The following APBA2 variants were observed in gnomAD, a reference collection of about 807,000 sequenced individuals.
The protein encoded by APBA2 is amyloid beta precursor protein binding family A member 2.
In APBA2, 30 loss-of-function variants were observed where a neutral mutation model predicts 75.0. That is an observed-to-expected ratio of 0.40 (90% CI 0.30 to 0.54). The LOEUF is 0.54. Among genes scored for constraint, APBA2 ranks in the 20% least tolerant of loss-of-function variants. APBA2 has a pLI of 0.49. For missense variants in APBA2, 801 were observed against 1,016.1 expected (o/e 0.79, Z 2.88); for synonymous variants, 444 against 409.6 (o/e 1.08, Z -1.01).
intron 3 of APBA2, among the ~76,000 whole-genome samples, chr15:28,998,299 T>A (rs1362087890): frequency 6.6e-6 from 1 of 150,858 alleles, no homozygotes; most frequent in Non-Finnish European, 1.5e-5. Flanking sequence ...CATAATGAAA[T>A]ATATAAAATC....
chr15:29,004,142 C>A (rs984865822), intron 3 of APBA2, among the ~76,000 whole-genome samples: 1 of 152,168 alleles, frequency 6.6e-6, no homozygotes, highest in Non-Finnish European at 1.5e-5. Flanking sequence ...GACTGAGGCC[C>A]AGGCTTTTGT....
At chr15:28,968,047 T>A (rs1267393237) in intron 2 of APBA2, among the ~76,000 whole-genome samples, 1 of 152,248 alleles carries the variant, frequency 6.6e-6, no homozygotes, top group Non-Finnish European at 1.5e-5. Context: ...TCCTACAATA[T>A]TTTTGTGCGT....
intron 1 of APBA2, among the ~76,000 whole-genome samples, chr15:28,897,696 A>G (rs1227583271): frequency 6.6e-6 from 1 of 151,708 alleles, no homozygotes; most frequent in African/African-American, 2.4e-5. Flanking sequence ...TGGACCTCTG[A>G]TTGTTGGTCA....
At chr15:29,105,311 C>G in intron 10 of APBA2, 68 bp from the exon 11 acceptor site, 1 of 1,496,646 alleles carries the variant, frequency 6.7e-7, no homozygotes, top group Non-Finnish European at 9.1e-7. Flanking sequence ...TGCCGCAGCC[C>G]CCTGCTGAGG....
chr15:29,060,580 G>A (rs535248193), intron 4 of APBA2, among the ~76,000 whole-genome samples: 11 of 152,194 alleles, frequency 7.2e-5, no homozygotes, highest in South Asian at 2.1e-4. Context: ...AAGGCTTGGC[G>A]TGCCCTGTTG....
At chr15:29,110,523 G>A (rs570533153) in intron 13 of APBA2, among the ~76,000 whole-genome samples, 166 of 152,308 alleles carry the variant, frequency 1.1e-3, no homozygotes, top group Middle Eastern at 3.4e-3. Flanking sequence ...GGGTGGCCTG[G>A]GGGCTACCTA....
At position 29,113,857 on chromosome 15, in the gene APBA2, C is replaced by T. The variant is rs748776719; in HGVS notation, c.2038-19C>T. On this transcript the variant is annotated intron_variant, in intron 13 of 14. Coordinates refer to ENST00000683413, the MANE Select transcript of APBA2 (RefSeq NM_001353788.2). ...GGTGTGGCGGGAACACGTGTGCTGA[C>T]CTGGCCATGTCTGCTTAGATCTGCA... 7.5e-6 allele frequency: 12 copies of T among 1,605,484 alleles called. No individual in the cohort carries two copies. Among genetic ancestry groups the T allele is most frequent in the Non-Finnish European group, 9.3e-6 (11 of 1,177,764 alleles).
intron 2 of APBA2, among the ~76,000 whole-genome samples, chr15:28,962,290 G>A (rs777083033): frequency 2.6e-4 from 40 of 151,848 alleles, no homozygotes; most frequent in Admixed American, 5.9e-4. Context: ...GATGGGTTTC[G>A]GCTGGGCGCG....
intron 6 of APBA2, among the ~76,000 whole-genome samples, chr15:29,089,088 G>T (rs891367359): frequency 6.6e-6 from 1 of 152,124 alleles, no homozygotes; most frequent in Non-Finnish European, 1.5e-5. Flanking sequence ...CCTCCCTTTT[G>T]AGCATTCACC....
At chr15:28,973,789 T>A (rs2037195896) in intron 2 of APBA2, among the ~76,000 whole-genome samples, 1 of 152,168 alleles carries the variant, frequency 6.6e-6, no homozygotes, top group African/African-American at 2.4e-5. Context: ...GAACAGAGAA[T>A]CAGCTCATTG....
chr15:28,947,879 G>A (rs537120090), intron 2 of APBA2, among the ~76,000 whole-genome samples: 2 of 152,150 alleles, frequency 1.3e-5, no homozygotes, highest in South Asian at 2.1e-4. Flanking sequence ...ACTGACTAAT[G>A]TCTCTGCTTC....
intron 1 of APBA2, among the ~76,000 whole-genome samples, chr15:28,900,695 C>T (rs554190566): frequency 3.7e-4 from 57 of 152,242 alleles, no homozygotes; most frequent in Middle Eastern, 3.4e-3. Context: ...TTAGCCTGGG[C>T]GGCGCCCCTG....
At position 28,958,816 on chromosome 15, in the gene APBA2, C is replaced by CTTTT. The variant is rs370050186; in HGVS notation, c.-94-36928_-94-36925dup. 3.4e-5 allele frequency among the ~76,000 whole-genome samples: 5 copies of CTTTT among 148,228 alleles called. No individual in the cohort carries two copies. The East Asian group carries it at 5.9e-4, about 17-fold the overall frequency. On this transcript the variant is annotated intron_variant, in intron 2 of 14. Transcript: ENST00000683413. ...CGTTGTTTTTAAGCATTATTCCCAACTTTTTTTTTTTTGACTGCAGAAATG... is the reference window on the plus strand; with the variant it reads ...CGTTGTTTTTAAGCATTATTCCCAACTTTTTTTTTTTTTTTTGACTGCAGAAATG...
chr15:28,942,211 C>T (rs926399188), intron 2 of APBA2, among the ~76,000 whole-genome samples: 7 of 152,212 alleles, frequency 4.6e-5, no homozygotes, highest in Non-Finnish European at 7.3e-5. Context: ...CAGGATGTGG[C>T]GCTTCGTCGT....
chr15:29,082,911 A>G (rs567205004), intron 6 of APBA2, among the ~76,000 whole-genome samples: 3 of 152,126 alleles, frequency 2.0e-5, no homozygotes, highest in Non-Finnish European at 4.4e-5. Flanking sequence ...CAGTACAAAA[A>G]ATAAACTGAG....
chr15:28,956,863 T>C (rs569259124), intron 2 of APBA2, among the ~76,000 whole-genome samples: 1 of 152,352 alleles, frequency 6.6e-6, no homozygotes, highest in Admixed American at 6.5e-5. Flanking sequence ...CTCAACGTCC[T>C]CACGGTGCAC....
At chr15:28,962,949 A>G (rs2036554245) in intron 2 of APBA2, among the ~76,000 whole-genome samples, 1 of 152,136 alleles carries the variant, frequency 6.6e-6, no homozygotes, top group Non-Finnish European at 1.5e-5. Context: ...ACTCACCATT[A>G]TACCACCTGC....
At chr15:29,116,443 G>T (rs769375817) in intron 14 of APBA2, among the ~76,000 whole-genome samples, 1 of 151,966 alleles carries the variant, frequency 6.6e-6, no homozygotes, top group Non-Finnish European at 1.5e-5. Flanking sequence ...TGGCTAACAC[G>T]GTGAAACCCC....
chr15:29,079,312 G>A (rs538781662), intron 6 of APBA2, among the ~76,000 whole-genome samples: 188 of 152,218 alleles, frequency 1.2e-3, no homozygotes, highest in African/African-American at 3.9e-3. Context: ...AGCTGTGTGG[G>A]TGCAGTGTGG....
Sources: allele counts gnomAD v4.1 joint callset (sites outside exome capture counted in the v4.1 genomes callset), GRCh38; gene constraint gnomAD v4.1.1; transcripts MANE v1.5; gene names NCBI Gene and HGNC (gene_info 2026-07-23, HGNC 2026-07-21).